The following ADK variants were observed in gnomAD, a reference collection of about 807,000 sequenced individuals.
The protein encoded by ADK is adenosine kinase, also known as N6,N6-dimethyladenosine kinase.
A neutral mutation model predicts 44.7 loss-of-function variants in ADK; 24 were observed. That is an observed-to-expected ratio of 0.54 (90% CI 0.39 to 0.76). ADK has a LOEUF of 0.76. ADK is among the 30% of genes least tolerant of loss of function. ADK has a pLI of 0.00. For synonymous variants in ADK, 128 were observed against 142.6 expected, an observed-to-expected ratio of 0.90 and a Z score of 0.73; for missense variants, 321 against 425.1, an observed-to-expected ratio of 0.76 and a Z score of 2.15.
At chr10:74,427,260 G>A (rs750242350) in intron 6 of ADK, among the ~76,000 whole-genome samples, 34 of 151,982 alleles carry the variant, frequency 2.2e-4, no homozygotes, top group Non-Finnish European at 4.0e-4. Flanking sequence ...GTGCAGTGGC[G>A]TGATCTCCGC....
chr10:74,350,548 A>C lies in ADK; in HGVS notation c.273+35803A>C, dbSNP rs1422632493. On this transcript the variant is annotated intron_variant, in intron 4 of 10. Coordinates refer to ENST00000539909, the MANE Select transcript of ADK (RefSeq NM_006721.4). ...ACAAATTCAAAAGCTAGCAGAAGAC[A>C]AGAAATAACTAAGATCACAGCAGAA... Among the ~76,000 whole-genome samples, 3 of 152,178 alleles carry C rather than the reference A, an allele frequency of 2.0e-5. No homozygotes were observed. In the South Asian group the frequency reaches 6.2e-4, roughly 32 times the overall value.
At position 74,329,951 on chromosome 10, in the gene ADK, C is replaced by G. The variant is rs1365590147; in HGVS notation, c.273+15206C>G. ...CCAAGGCCAGAGGATCAGTTGAGCT[C>G]AGGAGTTCAAGACCAGCCTGGGCAA... On this transcript the variant is annotated intron_variant, in intron 4 of 10. Transcript: ENST00000539909. Among the ~76,000 whole-genome samples, 5 of 151,868 alleles carry G rather than the reference C, an allele frequency of 3.3e-5. No individual in the cohort carries two copies. The East Asian group carries it at 9.7e-4, about 29-fold the overall frequency.
chr10:74,273,363 G>GATCT lies in ADK; in HGVS notation c.195-41303_195-41300dup, dbSNP rs2132416586. On this transcript the variant is annotated intron_variant, in intron 3 of 10. Coordinates refer to ENST00000539909, the MANE Select transcript of ADK (RefSeq NM_006721.4). ...CTCTGACAGGTGATATACCACCAGAGATCTGCCAGGTTGCTTGAGGCTTTG... is the reference window on the plus strand; with the variant it reads ...CTCTGACAGGTGATATACCACCAGAGATCTATCTGCCAGGTTGCTTGAGGCTTTG... 2.0e-5 allele frequency among the ~76,000 whole-genome samples: 3 copies of GATCT among 152,248 alleles called. No individual in the cohort carries two copies. The South Asian group carries it at 6.2e-4, about 32-fold the overall frequency.
chr10:74,419,322 T>TC (rs879761299), intron 6 of ADK, among the ~76,000 whole-genome samples: 322 of 150,176 alleles, frequency 2.1e-3, no homozygotes, highest in Non-Finnish European at 2.5e-3. Context: ...TTGAAGTATT[T>TC]CCCCCCCCCA....
At chr10:74,244,068 T>TA (rs1173560688) in intron 3 of ADK, among the ~76,000 whole-genome samples, 2 of 152,234 alleles carry the variant, frequency 1.3e-5, no homozygotes, top group African/African-American at 4.8e-5. Flanking sequence ...ATTACATTGT[T>TA]ACAATAATGT....
intron 6 of ADK, among the ~76,000 whole-genome samples, chr10:74,483,935 A>G (rs1316557400): frequency 6.6e-6 from 1 of 152,144 alleles, no homozygotes; most frequent in Non-Finnish European, 1.5e-5. Context: ...GGAAGTTCCA[A>G]ACTTACCCGT....
chr10:74,270,814 T>G (rs1846402495), intron 3 of ADK, among the ~76,000 whole-genome samples: 1 of 152,206 alleles, frequency 6.6e-6, no homozygotes, highest in Non-Finnish European at 1.5e-5. Context: ...GATCAGACTT[T>G]TCATAGCCAG....
intron 7 of ADK, among the ~76,000 whole-genome samples, chr10:74,532,070 C>A (rs530699612): frequency 6.6e-6 from 1 of 152,268 alleles, no homozygotes; most frequent in South Asian, 2.1e-4. Context: ...AAGAGTAATT[C>A]ATCATGACTA....
At chr10:74,655,894 C>T in intron 9 of ADK, 1 of 652,810 alleles carries the variant, frequency 1.5e-6, no homozygotes, top group East Asian at 2.9e-5. Flanking sequence ...TCTACCCTAG[C>T]TGACCTGACA....
intron 7 of ADK, among the ~76,000 whole-genome samples, chr10:74,555,321 A>C (rs1306636762): frequency 1.3e-5 from 2 of 152,146 alleles, no homozygotes; most frequent in African/African-American, 4.8e-5. Context: ...TTCTATATTT[A>C]ACTGATTAAA....
At chr10:74,231,532 A>T (rs1011260382) in intron 3 of ADK, among the ~76,000 whole-genome samples, 9 of 146,556 alleles carry the variant, frequency 6.1e-5, no homozygotes, top group Admixed American at 2.1e-4. Flanking sequence ...CAGTGGCGTG[A>T]TCATGACTCA....
intron 6 of ADK, among the ~76,000 whole-genome samples, chr10:74,508,594 A>G (rs1196451173): frequency 1.3e-5 from 2 of 152,234 alleles, no homozygotes; most frequent in Admixed American, 6.5e-5. Context: ...ATAGTTAATA[A>G]GTAGACAGAT....
intron 3 of ADK, among the ~76,000 whole-genome samples, chr10:74,271,782 T>A (rs1275587045): frequency 6.6e-6 from 1 of 151,930 alleles, no homozygotes; most frequent in Non-Finnish European, 1.5e-5. Context: ...TTCAGGTATA[T>A]TTTAAGGCAG....
At chr10:74,567,699 G>GTTTTTTTTTTTTTTTTT (rs56042541) in intron 7 of ADK, among the ~76,000 whole-genome samples, 4 of 112,364 alleles carry the variant, frequency 3.6e-5, no homozygotes, top group African/African-American at 7.8e-5. Flanking sequence ...TGTTTTTTTT[G>GTTTTTTTTTTTTTTTTT]TTTTTTTTTT....
intron 6 of ADK, among the ~76,000 whole-genome samples, chr10:74,501,826 G>T (rs1248380979): frequency 1.3e-5 from 2 of 152,102 alleles, no homozygotes; most frequent in Non-Finnish European, 2.9e-5. Flanking sequence ...AAAGCAGATT[G>T]GTAGTTGCCA....
intron 6 of ADK, among the ~76,000 whole-genome samples, chr10:74,420,801 AG>A (rs1844530235): frequency 6.6e-6 from 1 of 152,090 alleles, no homozygotes; most frequent in African/African-American, 2.4e-5. Context: ...TGACAGTTTT[AG>A]GTTTTATTCT....
intron 3 of ADK, among the ~76,000 whole-genome samples, chr10:74,232,553 C>CA (rs1844810070): frequency 7.3e-6 from 1 of 137,574 alleles, no homozygotes; most frequent in Non-Finnish European, 1.6e-5. Flanking sequence ...CCCGCACCCC[C>CA]CCCCCCCAAA....
At chr10:74,268,981 G>A (rs1846320558) in intron 3 of ADK, among the ~76,000 whole-genome samples, 1 of 152,178 alleles carries the variant, frequency 6.6e-6, no homozygotes, top group Non-Finnish European at 1.5e-5. Flanking sequence ...AAAGGAAGTT[G>A]GCAGCAAGGG....
At chr10:74,211,228 C>T (rs1021597360) in intron 2 of ADK, among the ~76,000 whole-genome samples, 6 of 152,090 alleles carry the variant, frequency 3.9e-5, no homozygotes, top group African/African-American at 1.4e-4. Flanking sequence ...TTTTTTTCTA[C>T]AGCTTTCAAC....
Sources: allele counts gnomAD v4.1 joint callset (sites outside exome capture counted in the v4.1 genomes callset), GRCh38; gene constraint gnomAD v4.1.1; transcripts MANE v1.5; gene names NCBI Gene and HGNC (gene_info 2026-07-23, HGNC 2026-07-21).